EXPH5: variants seen among roughly 807,000 people sequenced by gnomAD.
EXPH5 encodes the protein exophilin-5.
EXPH5 carries 42 observed loss-of-function variants against 41.1 expected under a neutral mutation model. That is an observed-to-expected ratio of 1.02 (90% CI 0.80 to 1.32). The LOEUF is 1.32. Ranked by LOEUF, EXPH5 falls within the 40% of genes most tolerant of loss-of-function variation. EXPH5 has a pLI of 0.00. For missense variants in EXPH5, 2,298 were observed against 2,314.5 expected, an observed-to-expected ratio of 0.99 and a Z score of 0.15; for synonymous variants, 798 against 833.5, an observed-to-expected ratio of 0.96 and a Z score of 0.73.
At position 108,553,860 on chromosome 11, in the gene EXPH5, G is replaced by C. The variant is rs1281559431; in HGVS notation, c.120-12048C>G. ...TGTGTAAAAAGTAATTTTTCCATAG[G>C]AATAATACTGGAAAGCTAATCATAG... On this transcript the variant is annotated intron_variant, in intron 1 of 5. Coordinates refer to ENST00000265843, the MANE Select transcript of EXPH5 (RefSeq NM_015065.3). Among the ~76,000 whole-genome samples, 3 of 152,126 alleles carry C rather than the reference G, an allele frequency of 2.0e-5. No individual in the cohort carries two copies. The East Asian group carries it at 5.8e-4, about 29-fold the overall frequency.
rs141888355 is a variant in EXPH5, at chr11:108,511,556, G to A, written c.3951C>T (p.Ser1317=). ...GTPSCENLKM[S]VNSDQTLTTE... ...TGGTGAGCGTCTGATCAGAGTTGACGGACATCTTTAGATTTTCACATGAAG... is the reference window on the plus strand; with the variant it reads ...TGGTGAGCGTCTGATCAGAGTTGACAGACATCTTTAGATTTTCACATGAAG... The change falls in exon 6 of 6, where the codon TCC becomes TCT. Residue 1317 remains serine, a synonymous_variant. Transcript: ENST00000265843. 1.4e-5 allele frequency: 22 copies of A among 1,612,874 alleles called. No individual in the cohort carries two copies. Among genetic ancestry groups the A allele is most frequent in the African/African-American group, 9.3e-5 (7 of 74,978 alleles).
At position 108,514,431 on chromosome 11, in the gene EXPH5, T is replaced by C; in HGVS notation, c.1076A>G (p.His359Arg). ...QSKSGFIPPR[H>R]QQSPKRTPLS... ...AGGAGTTCTCTTTGGACTCTGCTGG[T>C]GCCTTGGTGGTATAAACCCACTCTT... Residue 359 changes from histidine to arginine, a missense_variant, in exon 6 of 6, where the codon CAC becomes CGC. By Grantham distance (29) the His-to-Arg change is conservative. Transcript: ENST00000265843. 1 of 1,614,174 alleles carries C rather than the reference T, an allele frequency of 6.2e-7. No homozygotes were observed. The highest frequency in any genetic ancestry group is 8.5e-7 in the Non-Finnish European group (1 of 1,180,016).
chr11:108,513,190 A>G lies in EXPH5; in HGVS notation c.2317T>C (p.Phe773Leu). The stretch of plus-strand genomic sequence containing the variant: ...ATTTTGGAGGTATCTTTCCTGGAAA[A>G]GACTCTGGGTGACTTTTTTGAACTT... ...IISSKKSPRV[F>L]SRKDTSKMYI... Residue 773 changes from phenylalanine (F) to leucine (L), a missense_variant, in exon 6 of 6, where the codon TTT becomes CTT. By Grantham distance (22) the Phe-to-Leu change is conservative. Coordinates refer to ENST00000265843, the MANE Select transcript of EXPH5 (RefSeq NM_015065.3). 6.2e-7 allele frequency: 1 copy of G among 1,614,100 alleles called. No individual in the cohort carries two copies. The highest frequency in any genetic ancestry group is 1.1e-5 in the South Asian group (1 of 91,066).
chr11:108,568,617 G>A (rs1203120025), intron 1 of EXPH5, among the ~76,000 whole-genome samples: 1 of 152,154 alleles, frequency 6.6e-6, no homozygotes, highest in Admixed American at 6.5e-5. Context: ...TGATGGAAGA[G>A]TTGATGTCCT....
intron 1 of EXPH5, among the ~76,000 whole-genome samples, chr11:108,567,321 T>C (rs1012066567): frequency 6.6e-6 from 1 of 152,218 alleles, no homozygotes; most frequent in Non-Finnish European, 1.5e-5. Flanking sequence ...ACAATAAATG[T>C]GTTATGTAGA....
chr11:108,588,583 C>A (rs1266768907), intron 1 of EXPH5, among the ~76,000 whole-genome samples: 1 of 152,166 alleles, frequency 6.6e-6, no homozygotes, highest in Admixed American at 6.5e-5. Context: ...TATCCCTTAA[C>A]TCATCAGGTT....
intron 1 of EXPH5, among the ~76,000 whole-genome samples, chr11:108,590,943 G>C (rs138431783): frequency 6.6e-6 from 1 of 152,264 alleles, no homozygotes; most frequent in African/African-American, 2.4e-5. Flanking sequence ...GTGAGCCACC[G>C]GGCCCAGCCC....
the EXPH5 span, among the ~76,000 whole-genome samples, chr11:108,603,857 C>G: frequency 2.2e-4 from 34 of 152,212 alleles, no homozygotes; most frequent in African/African-American, 7.5e-4. Flanking sequence ...TGCAAGGCTT[C>G]CTTATGGATT....
chr11:108,556,288 C>A (rs1591734316), intron 1 of EXPH5, among the ~76,000 whole-genome samples: 1 of 141,778 alleles, frequency 7.1e-6, no homozygotes, highest in Non-Finnish European at 1.5e-5. Flanking sequence ...AATCTGCTGT[C>A]TTTTTTTTTT....
intron 1 of EXPH5, among the ~76,000 whole-genome samples, chr11:108,570,415 C>G (rs747220239): frequency 2.6e-5 from 4 of 151,930 alleles, no homozygotes; most frequent in Non-Finnish European, 5.9e-5. Context: ...CCACCATGCC[C>G]AGCTAAGTTT....
At chr11:108,561,803 A>G (rs780365176) in intron 1 of EXPH5, among the ~76,000 whole-genome samples, 1 of 152,220 alleles carries the variant, frequency 6.6e-6, no homozygotes, top group Non-Finnish European at 1.5e-5. Context: ...AGTACCATGA[A>G]GAGAAGCCAT....
chr11:108,515,311 G>C (rs967898416), intron 5 of EXPH5, among the ~76,000 whole-genome samples: 1 of 152,004 alleles, frequency 6.6e-6, no homozygotes, highest in Non-Finnish European at 1.5e-5. Flanking sequence ...ATGTCACTAG[G>C]TTGCTACAAT....
At chr11:108,573,198 A>AAAGAAAG (rs2094068640) in intron 1 of EXPH5, among the ~76,000 whole-genome samples, 30 of 108,278 alleles carry the variant, frequency 2.8e-4, no homozygotes, top group East Asian at 2.2e-3. Flanking sequence ...GAAAGAAAGA[A>AAAGAAAG]AAAGAAAGAA....
intron 1 of EXPH5, among the ~76,000 whole-genome samples, chr11:108,544,332 A>G (rs2093927678): frequency 6.6e-6 from 1 of 151,970 alleles, no homozygotes; most frequent in Admixed American, 6.6e-5. Flanking sequence ...TGGGACCACC[A>G]TCCCTGACTA....
chr11:108,591,001 C>G (rs557223606), intron 1 of EXPH5, among the ~76,000 whole-genome samples: 2 of 152,280 alleles, frequency 1.3e-5, no homozygotes, highest in Non-Finnish European at 2.9e-5. Flanking sequence ...GCAGATACCT[C>G]AAGCCTATCA....
chr11:108,538,256 T>C, intron 3 of EXPH5: 3 of 985,400 alleles, frequency 3.0e-6, no homozygotes, highest in Non-Finnish European at 3.6e-6. Flanking sequence ...ACATATCACG[T>C]GCCAAGCCAA....
intron 3 of EXPH5, chr11:108,538,016 T>A (rs1253147757): frequency 1.0e-6 from 1 of 985,254 alleles, no homozygotes; most frequent in Admixed American, 6.1e-5. Context: ...GTCACATAAA[T>A]CTACATTGTG....
intron 1 of EXPH5, among the ~76,000 whole-genome samples, chr11:108,558,556 T>C (rs2093999297): frequency 6.6e-6 from 1 of 152,262 alleles, no homozygotes; most frequent in Non-Finnish European, 1.5e-5. Flanking sequence ...GTCTGGTATA[T>C]TGTCCTCTTG....
Position 108,510,509 on chromosome 11 carries a change from C to G in EXPH5, c.4998G>C (p.Val1666=). ...TGGGGAGAAGGTTCTCGGATTTCTT[C>G]ACATGCTTTCCGTTCTCACTCAACC... ...ESRLSENGKH[V]KKSENLLPIT... is the part of the protein sequence containing the mutation. Residue 1666 remains valine (V), a synonymous_variant, in exon 6 of 6, where the codon GTG becomes GTC. Transcript: ENST00000265843. 1 of 1,614,178 alleles carries G rather than the reference C, an allele frequency of 6.2e-7. No individual in the cohort carries two copies. Among genetic ancestry groups the G allele is most frequent in the South Asian group, 1.1e-5 (1 of 91,080 alleles).
Sources: gnomAD v4.1 joint callset for allele counts (sites outside exome capture counted in the v4.1 genomes callset) on GRCh38, gnomAD v4.1.1 for gene constraint, MANE v1.5 for transcripts, NCBI Gene and HGNC (gene_info 2026-07-23, HGNC 2026-07-21) for gene names.